Variants in MARCHF1 observed in about 807,000 individuals in gnomAD.
The protein encoded by MARCHF1 is E3 ubiquitin-protein ligase MARCHF1.
A neutral mutation model predicts 54.2 loss-of-function variants in MARCHF1; 40 were observed. The ratio of observed to expected loss-of-function variants is 0.74; its 90% CI spans 0.57 to 0.96. MARCHF1 has a LOEUF of 0.96. Ranked by LOEUF, MARCHF1 falls within the 40% of genes least tolerant of loss-of-function variation. MARCHF1 has a pLI of 0.00. For missense variants in MARCHF1, 586 were observed against 656.5 expected (o/e 0.89, Z 1.17); for synonymous variants, 236 against 236.3 (o/e 1.00, Z 0.01).
At position 163,528,959 on chromosome 4, in the gene MARCHF1, T is replaced by G; in HGVS notation, c.1427A>C (p.Lys476Thr). Residue 476 changes from lysine to threonine, a missense_variant, in exon 10 of 10, where the codon AAA (lysine) becomes ACA (threonine). Lys to Thr is a moderately conservative substitution (Grantham distance 78). Around this residue, in one of 3 missense-constraint regions of MARCHF1, gnomAD observed 106 missense variants for 93.8 expected, o/e 1.13. Transcript: ENST00000514618. ...GGLVFMYVQC[K>T]VYVQLWRRLK... is the part of the protein sequence containing the mutation. ...CCTGCGCCACAACTGAACATAGACT[T>G]TACACTGTACGTACATGAAGACAAG... The G allele has an allele frequency of 1.9e-6, 3 of 1,613,250 alleles. No individual in the cohort carries two copies. Among genetic ancestry groups the G allele is most frequent in the Non-Finnish European group, 1.7e-6 (2 of 1,179,532 alleles).
At chr4:164,160,143 G>A (rs914798689) in intron 1 of MARCHF1, among the ~76,000 whole-genome samples, 9 of 152,020 alleles carry the variant, frequency 5.9e-5, no homozygotes, top group African/African-American at 2.2e-4. Context: ...TTTCAAATTC[G>A]ATATTTTTAT....
intron 1 of MARCHF1, among the ~76,000 whole-genome samples, chr4:164,209,853 G>A (rs1308519012): frequency 6.6e-6 from 1 of 151,856 alleles, no homozygotes. Flanking sequence ...TAGATTTCAT[G>A]GAAATCATGT....
Position 164,220,770 on chromosome 4 carries a change from TA to T in MARCHF1, c.-322-109109del, listed in dbSNP as rs560828981. On this transcript the variant is annotated intron_variant, in intron 1 of 9. Transcript: ENST00000514618. ...TGCTATATATGTAATATATATGATA[TA>T]TTTTTTTTTGGAAATAATACTTTCT... 3.2e-3 allele frequency among the ~76,000 whole-genome samples: 428 copies of T among 135,158 alleles called. 2 individuals are homozygous for T. The highest frequency in any genetic ancestry group is 8.3e-3 in the African/African-American group (326 of 39,082). The allele number at this position is 135,158 out of a possible 152,430, so 88.7% of individuals were successfully genotyped here. A position where few individuals can be genotyped will look rare whatever the true frequency, so the allele number is the denominator to read the frequency against.
At chr4:163,692,230 G>T (rs1285899185) in intron 5 of MARCHF1, among the ~76,000 whole-genome samples, 1 of 152,154 alleles carries the variant, frequency 6.6e-6, no homozygotes, top group Admixed American at 6.6e-5. Flanking sequence ...CTCTTCTGGG[G>T]CTGAGGAAGC....
chr4:164,043,720 C>A (rs2111025722), intron 2 of MARCHF1, among the ~76,000 whole-genome samples: 2 of 152,306 alleles, frequency 1.3e-5, no homozygotes, highest in South Asian at 4.1e-4. Context: ...GGTCAGGCTA[C>A]AAATTTTCCA....
At chr4:163,785,938 C>T (rs1210030216) in intron 4 of MARCHF1, among the ~76,000 whole-genome samples, 4 of 151,694 alleles carry the variant, frequency 2.6e-5, no homozygotes, top group Non-Finnish European at 4.4e-5. Flanking sequence ...AGGAGGGACA[C>T]GGTCAGGGAA....
At chr4:164,249,603 G>C (rs1015829260) in intron 1 of MARCHF1, among the ~76,000 whole-genome samples, 4 of 151,632 alleles carry the variant, frequency 2.6e-5, no homozygotes, top group South Asian at 2.1e-4. Flanking sequence ...TATTAGTAGA[G>C]GAAGAACACA....
At chr4:164,121,495 T>C (rs917118142) in intron 1 of MARCHF1, among the ~76,000 whole-genome samples, 1 of 152,028 alleles carries the variant, frequency 6.6e-6, no homozygotes, top group Non-Finnish European at 1.5e-5. Flanking sequence ...GAAAAAGCCC[T>C]TACAAAACCA....
chr4:164,270,807 C>A (rs1008129305), intron 1 of MARCHF1, among the ~76,000 whole-genome samples: 34 of 152,066 alleles, frequency 2.2e-4, no homozygotes, highest in Non-Finnish European at 4.4e-5. Context: ...TGCCAATATA[C>A]CCAAAATTCA....
intron 3 of MARCHF1, among the ~76,000 whole-genome samples, chr4:163,961,619 T>C (rs1036770526): frequency 6.6e-6 from 1 of 151,978 alleles, no homozygotes; most frequent in African/African-American, 2.4e-5. Flanking sequence ...AGCAGCATTA[T>C]ATGATCAAAG....
intron 3 of MARCHF1, among the ~76,000 whole-genome samples, chr4:163,977,905 A>G (rs1752680685): frequency 6.6e-6 from 1 of 152,218 alleles, no homozygotes; most frequent in African/African-American, 2.4e-5. Flanking sequence ...ATAAAACCTA[A>G]CAACCAGTAA....
intron 8 of MARCHF1, among the ~76,000 whole-genome samples, chr4:163,578,340 T>G (rs1740106632): frequency 6.6e-6 from 1 of 152,124 alleles, no homozygotes; most frequent in Non-Finnish European, 1.5e-5. Context: ...AGCAATCATT[T>G]TCAAAGAAAG....
intron 1 of MARCHF1, among the ~76,000 whole-genome samples, chr4:164,198,144 T>G (rs1053121785): frequency 2.0e-5 from 3 of 152,154 alleles, no homozygotes; most frequent in African/African-American, 7.2e-5. Context: ...AATAACACAA[T>G]GAACCATGAA....
At chr4:163,704,297 G>C (rs138092174) in intron 4 of MARCHF1, among the ~76,000 whole-genome samples, 310 of 151,744 alleles carry the variant, frequency 2.0e-3, no homozygotes, top group African/African-American at 7.1e-3. Flanking sequence ...GTAGACAATA[G>C]AGCAGTTTTT....
intron 3 of MARCHF1, among the ~76,000 whole-genome samples, chr4:163,922,385 G>A (rs1021940598): frequency 8.6e-5 from 13 of 151,894 alleles, no homozygotes; most frequent in African/African-American, 1.2e-4. Flanking sequence ...AATCAATATC[G>A]TTGAGGTTTT....
At chr4:163,816,268 T>C (rs1263031345) in intron 4 of MARCHF1, among the ~76,000 whole-genome samples, 1 of 152,196 alleles carries the variant, frequency 6.6e-6, no homozygotes, top group East Asian at 1.9e-4. Flanking sequence ...AGTCAGGAGA[T>C]TACTTTTCAT....
intron 8 of MARCHF1, among the ~76,000 whole-genome samples, chr4:163,560,218 T>C (rs538200846): frequency 9.6e-4 from 146 of 152,322 alleles, no homozygotes; most frequent in African/African-American, 3.2e-3. Context: ...TTTATATTTA[T>C]AGGATACATT....
At chr4:163,907,666 A>G (rs1400511769) in intron 3 of MARCHF1, among the ~76,000 whole-genome samples, 2 of 152,160 alleles carry the variant, frequency 1.3e-5, no homozygotes, top group Non-Finnish European at 2.9e-5. Flanking sequence ...TGAGCCAACT[A>G]GCTGGAATGA....
chr4:164,313,348 C>CAAAAAAAAAAAA lies in MARCHF1; in HGVS notation c.-323+70510_-323+70521dup, dbSNP rs553280791. ...TGGGTGGCAGAGCAAGACTCTGTCT[C>CAAAAAAAAAAAA]AAAAAAAAAAAAAAAAAAAGTGTAG... On this transcript the variant is annotated intron_variant, in intron 1 of 9. Transcript: ENST00000514618. Among the ~76,000 whole-genome samples, 20 of 80,228 alleles carry CAAAAAAAAAAAA rather than the reference C, an allele frequency of 2.5e-4. 1 individual carries two copies. Among genetic ancestry groups the CAAAAAAAAAAAA allele is most frequent in the East Asian group, 1.4e-3 (4 of 2,958 alleles). The allele number at this position is 80,228 out of a possible 152,430, so 52.6% of individuals were successfully genotyped here. A position where few individuals can be genotyped will look rare whatever the true frequency, so the allele number is the denominator to read the frequency against.
Sources: allele counts gnomAD v4.1 joint callset (sites outside exome capture counted in the v4.1 genomes callset), GRCh38; gene constraint gnomAD v4.1.1; regional missense constraint gnomAD v4.1.1; transcripts MANE v1.5; gene names NCBI Gene and HGNC (gene_info 2026-07-23, HGNC 2026-07-21).